LUZP1: variants seen among roughly 807,000 people sequenced by gnomAD.
LUZP1 encodes the protein leucine zipper protein 1, also known as filamin mechanobinding actin cross-linking protein.
A neutral mutation model predicts 71.3 loss-of-function variants in LUZP1; 25 were observed. The ratio of observed to expected loss-of-function variants is 0.35; its 90% CI spans 0.26 to 0.49. The LOEUF is 0.49. Ranked by LOEUF, LUZP1 falls within the 20% of genes least tolerant of loss-of-function variation. LUZP1 has a pLI of 0.99. For missense variants in LUZP1, 1,142 were observed against 1,300.8 expected, an observed-to-expected ratio of 0.88 and a Z score of 1.88; for synonymous variants, 481 against 506.4, an observed-to-expected ratio of 0.95 and a Z score of 0.67.
intron 2 of LUZP1, among the ~76,000 whole-genome samples, chr1:23,143,894 C>A (rs1335372163): frequency 6.6e-6 from 1 of 152,170 alleles, no homozygotes; most frequent in African/African-American, 2.4e-5. Flanking sequence ...TCTTAAGAGG[C>A]AGAACTGAGA....
Position 23,091,139 on chromosome 1 carries a change from A to G in LUZP1, c.3072+51T>C, listed in dbSNP as rs371215945. The stretch of plus-strand genomic sequence containing the variant: ...GCAGAGGGGAAAAAGGAAAAGGCAA[A>G]GAAGGAAAAGGGAGGGAGAAAAGAG... On this transcript the variant is annotated intron_variant, in intron 4 of 4. Coordinates refer to ENST00000302291, the Ensembl canonical transcript of LUZP1. 4 of 1,517,696 alleles carry G rather than the reference A, an allele frequency of 2.6e-6. No homozygotes were observed. In the African/African-American group the frequency reaches 5.6e-5, roughly 21 times the overall value. The allele number at this position is 1,517,696 out of a possible 1,614,324, so 94.0% of individuals were successfully genotyped here.
At chr1:23,176,705 G>A (rs1644584049) in intron 1 of LUZP1, among the ~76,000 whole-genome samples, 1 of 152,032 alleles carries the variant, frequency 6.6e-6, no homozygotes, top group Admixed American at 6.6e-5. Flanking sequence ...TATAGAAAGA[G>A]TCTCAAGATC....
At chr1:23,145,468 CTTTT>C (rs869293750) in intron 2 of LUZP1, among the ~76,000 whole-genome samples, 3 of 135,110 alleles carry the variant, frequency 2.2e-5, no homozygotes, top group South Asian at 2.4e-4. Context: ...CTATTAATCT[CTTTT>C]TTTTTTTTTT....
intron 2 of LUZP1, among the ~76,000 whole-genome samples, chr1:23,165,552 T>C (rs980416409): frequency 6.6e-6 from 1 of 151,982 alleles, no homozygotes; most frequent in Non-Finnish European, 1.5e-5. Context: ...GGCACACACC[T>C]GTGGTCCCAG....
At chr1:23,092,272 C>A in exon 4 of LUZP1, 1 of 1,614,134 alleles carries the variant, frequency 6.2e-7, no homozygotes, top group South Asian at 1.1e-5. Context: ...GATGCTATGT[C>A]CAAGTCATCA....
intron 2 of LUZP1, among the ~76,000 whole-genome samples, chr1:23,162,541 C>A (rs1042920104): frequency 3.8e-4 from 57 of 151,882 alleles, no homozygotes; most frequent in African/African-American, 1.4e-3. Flanking sequence ...TGGGTTCTCG[C>A]CATTCTCCTG....
chr1:23,090,904 A>T, intron 4 of LUZP1: 1 of 718,182 alleles, frequency 1.4e-6, no homozygotes, highest in Non-Finnish European at 2.6e-6. Flanking sequence ...CTGCTCTGGC[A>T]AACCAAGGGA....
At position 23,126,788 on chromosome 1, in the gene LUZP1, T is replaced by C. The variant is rs781142531; in HGVS notation, c.-225-17661A>G. On this transcript the variant is annotated intron_variant, in intron 2 of 4. Transcript: ENST00000302291. ...TTTACAGAATTCAGGAAAGTGAATATAGGTACCAGCCCAGAGAGGCTCTCT... is the reference window on the plus strand; with the variant it reads ...TTTACAGAATTCAGGAAAGTGAATACAGGTACCAGCCCAGAGAGGCTCTCT... 5.9e-5 allele frequency among the ~76,000 whole-genome samples: 9 copies of C among 152,226 alleles called. No homozygotes were observed. In the East Asian group the frequency reaches 1.5e-3, roughly 26 times the overall value.
chr1:23,124,910 G>A (rs966094101), intron 2 of LUZP1, among the ~76,000 whole-genome samples: 2 of 152,018 alleles, frequency 1.3e-5, no homozygotes, highest in Non-Finnish European at 2.9e-5. Context: ...AACTCTAAAT[G>A]ACCTAACCTT....
chr1:23,126,133 T>C (rs2124676257), intron 2 of LUZP1, among the ~76,000 whole-genome samples: 1 of 152,294 alleles, frequency 6.6e-6, no homozygotes, highest in South Asian at 2.1e-4. Flanking sequence ...TCTTCTGGAA[T>C]GGTATAACCC....
chr1:23,088,314 G>A (rs1288177083), exon 5 of LUZP1: 4 of 152,648 alleles, frequency 2.6e-5, no homozygotes, highest in African/African-American at 7.2e-5. Flanking sequence ...TCAACCTAAA[G>A]GGTAGTCTCA....
At chr1:23,160,834 C>G (rs1354599735) in intron 2 of LUZP1, among the ~76,000 whole-genome samples, 2 of 152,082 alleles carry the variant, frequency 1.3e-5, no homozygotes, top group African/African-American at 4.8e-5. Flanking sequence ...GCATAACAAG[C>G]TACAAGATTT....
Position 23,158,014 on chromosome 1 carries a change from T to TA in LUZP1, c.-226+10751dup, listed in dbSNP as rs766891195. Among the ~76,000 whole-genome samples, 794 of 150,452 alleles carry TA rather than the reference T, an allele frequency of 5.3e-3. 5 individuals are homozygous for TA. Among genetic ancestry groups the TA allele is most frequent in the African/African-American group, 0.016 (663 of 41,050 alleles). ...GCAACAGAATGAGAACCTGTCTCTTTAAAAAAAAAGGCAGTCATAATACCT... is the reference window on the plus strand; with the variant it reads ...GCAACAGAATGAGAACCTGTCTCTTTAAAAAAAAAAGGCAGTCATAATACCT... On this transcript the variant is annotated intron_variant, in intron 2 of 4. Coordinates refer to ENST00000302291, the Ensembl canonical transcript of LUZP1.
chr1:23,104,436 G>A (rs752661958), intron 3 of LUZP1, among the ~76,000 whole-genome samples: 2 of 151,366 alleles, frequency 1.3e-5, no homozygotes, highest in East Asian at 1.9e-4. Flanking sequence ...CACAAGCCTC[G>A]GCCTCCCAAA....
At chr1:23,161,497 T>C (rs754582206) in intron 2 of LUZP1, among the ~76,000 whole-genome samples, 1 of 152,112 alleles carries the variant, frequency 6.6e-6, no homozygotes, top group Admixed American at 6.6e-5. Flanking sequence ...CAGTGGCTCA[T>C]GCCTGTAATC....
Position 23,098,159 on chromosome 1 carries a change from C to T in LUZP1, c.-119-3779G>A, listed in dbSNP as rs145455150. Among the ~76,000 whole-genome samples, 405 of 152,156 alleles carry T rather than the reference C, an allele frequency of 2.7e-3. 4 individuals are homozygous for T. Among genetic ancestry groups the T allele is most frequent in the African/African-American group, 9.0e-3 (375 of 41,502 alleles). On this transcript the variant is annotated intron_variant, in intron 3 of 4. Coordinates refer to ENST00000302291, the Ensembl canonical transcript of LUZP1. ...AAACCAGAATTGGACTGAACCAGAT[C>T]GAAGCACTGCAGAACAAAGCAAAAG...
At chr1:23,155,343 C>T (rs1162440566) in intron 2 of LUZP1, among the ~76,000 whole-genome samples, 2 of 152,146 alleles carry the variant, frequency 1.3e-5, no homozygotes, top group Non-Finnish European at 1.5e-5. Flanking sequence ...CATTTACTTA[C>T]AGGGCAGTAC....
chr1:23,101,631 T>C (rs1643932250), intron 3 of LUZP1, among the ~76,000 whole-genome samples: 1 of 152,218 alleles, frequency 6.6e-6, no homozygotes, highest in Non-Finnish European at 1.5e-5. Flanking sequence ...CTAAAAATAG[T>C]GATTCACTAA....
intron 1 of LUZP1, among the ~76,000 whole-genome samples, chr1:23,170,076 G>C (rs1244301562): frequency 4.6e-5 from 7 of 152,060 alleles, no homozygotes; most frequent in African/African-American, 1.5e-4. Flanking sequence ...TTCCCCTGCT[G>C]TCTCACCTCC....
Sources: allele counts gnomAD v4.1 joint callset (sites outside exome capture counted in the v4.1 genomes callset), GRCh38; gene constraint gnomAD v4.1.1; transcripts MANE v1.5; gene names NCBI Gene and HGNC (gene_info 2026-07-23, HGNC 2026-07-21).